USP24: variants seen among roughly 807,000 people sequenced by gnomAD.
USP24 encodes the protein ubiquitin carboxyl-terminal hydrolase 24.
A neutral mutation model predicts 361.6 loss-of-function variants in USP24; 97 were observed. That is an observed-to-expected ratio of 0.27 (90% CI 0.23 to 0.32). The LOEUF (loss-of-function observed/expected upper bound fraction) is 0.32, where lower values mean the gene tolerates loss of function less well. Among genes scored for constraint, USP24 ranks in the 10% least tolerant of loss-of-function variants. USP24 has a pLI of 1.00. For synonymous variants in USP24, 1,098 were observed against 1,124.6 expected (o/e 0.98, Z 0.47); for missense variants, 2,353 against 3,165.6 (o/e 0.74, Z 6.16).
At chr1:55,134,957 T>C (rs1211156404) in intron 28 of USP24, among the ~76,000 whole-genome samples, 2 of 152,150 alleles carry the variant, frequency 1.3e-5, no homozygotes, top group Admixed American at 1.3e-4. Flanking sequence ...TTTCTGGTTA[T>C]AAGGAATAAG....
chr1:55,203,100 G>A (rs996961608), intron 1 of USP24, among the ~76,000 whole-genome samples: 4 of 152,046 alleles, frequency 2.6e-5, no homozygotes, highest in Non-Finnish European at 5.9e-5. Context: ...GTATATATAG[G>A]AAAACACAAC....
At chr1:55,095,131 G>T in intron 51 of USP24, 124 bp downstream of exon 51, 1 of 1,199,894 alleles carries the variant, frequency 8.3e-7, no homozygotes, top group Non-Finnish European at 1.1e-6. Flanking sequence ...TTTCTTTTTG[G>T]AATTCTTTTT....
intron 16 of USP24, among the ~76,000 whole-genome samples, chr1:55,152,520 C>G (rs1008509294): frequency 3.3e-5 from 5 of 152,116 alleles, no homozygotes; most frequent in Non-Finnish European, 5.9e-5. Flanking sequence ...AAGACAAGAC[C>G]ATTTTTCTAT....
chr1:55,107,174 A>C, intron 40 of USP24, 65 bp downstream of exon 40: 1 of 1,515,478 alleles, frequency 6.6e-7, no homozygotes, highest in Non-Finnish European at 8.9e-7. Context: ...TCCCACTTAC[A>C]CACAGTACTG....
intron 30 of USP24, among the ~76,000 whole-genome samples, chr1:55,132,920 C>T (rs746532997): frequency 7.2e-5 from 11 of 152,156 alleles, no homozygotes; most frequent in Non-Finnish European, 1.3e-4. Flanking sequence ...TCAAATACTA[C>T]GTGAATGCTT....
At chr1:55,176,334 C>T (rs866323958) in intron 3 of USP24, 42 bp downstream of exon 3, 5 of 1,526,350 alleles carry the variant, frequency 3.3e-6, no homozygotes, top group Middle Eastern at 3.4e-4. Flanking sequence ...CCTGCCCCCA[C>T]CCCGACACAC....
chr1:55,151,962 G>A, intron 16 of USP24: 1 of 985,726 alleles, frequency 1.0e-6, no homozygotes, highest in Non-Finnish European at 1.2e-6. Flanking sequence ...TCCCCAGTCA[G>A]CCCACCTTGC....
At chr1:55,163,971 T>C (rs1387099135) in intron 7 of USP24, among the ~76,000 whole-genome samples, 1 of 151,976 alleles carries the variant, frequency 6.6e-6, no homozygotes. Context: ...GAAATCTCAT[T>C]CTCTAGGTAT....
chr1:55,075,598 T>C (rs1645008176), intron 62 of USP24, 75 bp from the exon 63 acceptor site: 1 of 987,786 alleles, frequency 1.0e-6, no homozygotes, highest in Non-Finnish European at 1.5e-6. Flanking sequence ...TCTTTATAAT[T>C]CTACCCAAGA....
chr1:55,154,625 T>C (rs901370021), intron 13 of USP24, 46 bp downstream of exon 13: 5 of 1,570,898 alleles, frequency 3.2e-6, no homozygotes, highest in Non-Finnish European at 8.7e-7. Flanking sequence ...CAAAAGAGCT[T>C]ATTTTAAGAA....
chr1:55,093,750 T>C, intron 52 of USP24, 187 bp downstream of exon 52: 1 of 695,150 alleles, frequency 1.4e-6, no homozygotes, highest in East Asian at 2.9e-5. Context: ...CTTGTGTTCT[T>C]AGCACTCCAT....
At chr1:55,202,963 G>A (rs908127657) in intron 1 of USP24, among the ~76,000 whole-genome samples, 1 of 152,232 alleles carries the variant, frequency 6.6e-6, no homozygotes, top group Non-Finnish European at 1.5e-5. Context: ...AGTACAGTAA[G>A]ACATTTTAAG....
At chr1:55,088,328 T>C (rs1645297491) in intron 55 of USP24, among the ~76,000 whole-genome samples, 2 of 152,224 alleles carry the variant, frequency 1.3e-5, no homozygotes, top group Non-Finnish European at 2.9e-5. Context: ...GAGACTTGCG[T>C]TTCTGAATTC....
At chr1:55,076,465 C>G (rs757300965) in intron 62 of USP24, among the ~76,000 whole-genome samples, 1 of 152,172 alleles carries the variant, frequency 6.6e-6, no homozygotes, top group Non-Finnish European at 1.5e-5. Context: ...GCCAAGGCCT[C>G]TATGGAGTAT....
At position 55,142,809 on chromosome 1, in the gene USP24, T is replaced by C. The variant is rs780514507; in HGVS notation, c.2581-14A>G. The C allele has an allele frequency of 2.2e-5, 33 of 1,516,904 alleles. No homozygotes were observed. The highest frequency in any genetic ancestry group is 2.8e-5 in the Non-Finnish European group (31 of 1,121,830). 94.0% of individuals were successfully genotyped at this position (1,516,904 alleles called of 1,614,324 possible). A position where few individuals can be genotyped will look rare whatever the true frequency, so the allele number is the denominator to read the frequency against. On this transcript the variant is annotated splice_polypyrimidine_tract_variant and intron_variant, in intron 22 of 67. Transcript: ENST00000294383. ...AGATACTGAATCCTGAAAGAGTATATGGAAATTACAATTAGTCCTTGACAT... is the reference window on the plus strand; with the variant it reads ...AGATACTGAATCCTGAAAGAGTATACGGAAATTACAATTAGTCCTTGACAT...
chr1:55,119,095 A>G (rs570501025), intron 38 of USP24, among the ~76,000 whole-genome samples: 1 of 152,366 alleles, frequency 6.6e-6, no homozygotes, highest in South Asian at 2.1e-4. Flanking sequence ...AACTGAAAAC[A>G]GGGATTCACA....
chr1:55,178,725 AAAT>A (rs1326242877), intron 1 of USP24, among the ~76,000 whole-genome samples: 2,192 of 99,900 alleles, frequency 0.022, 38 homozygotes, highest in Middle Eastern at 0.092. Context: ...ATAAATAAAT[AAAT>A]AAAAAGAACT....
intron 50 of USP24, among the ~76,000 whole-genome samples, chr1:55,095,793 C>T (rs189089646): frequency 1.4e-4 from 22 of 152,280 alleles, no homozygotes; most frequent in Admixed American, 1.0e-3. Flanking sequence ...TCGGCCAAAT[C>T]CAGGCAAATT....
intron 5 of USP24, 25 bp from the exon 6 acceptor site, chr1:55,166,628 G>A (rs954187540): frequency 6.3e-7 from 1 of 1,575,228 alleles, no homozygotes; most frequent in South Asian, 1.2e-5. Flanking sequence ...AAACAAAATT[G>A]AGATGGCAAT....
Sources: allele counts gnomAD v4.1 joint callset (sites outside exome capture counted in the v4.1 genomes callset), GRCh38; gene constraint gnomAD v4.1.1; transcripts MANE v1.5; gene names NCBI Gene and HGNC (gene_info 2026-07-23, HGNC 2026-07-21).